GLB1L3: variants seen among roughly 807,000 people sequenced by gnomAD.
GLB1L3 encodes beta-galactosidase-1-like protein 3.
In GLB1L3, 89 loss-of-function variants were observed where a neutral mutation model predicts 89.5. The ratio of observed to expected loss-of-function variants is 0.99; its 90% CI spans 0.84 to 1.19. The LOEUF is 1.19. Among genes scored for constraint, GLB1L3 ranks in the 50% most tolerant of loss-of-function variants. The pLI is 0.00. For synonymous variants in GLB1L3, 314 were observed against 312.3 expected, an observed-to-expected ratio of 1.01 and a Z score of -0.06; for missense variants, 812 against 813.3, an observed-to-expected ratio of 1.00 and a Z score of 0.02.
At chr11:134,296,832 A>AT (rs1436348595) in intron 9 of GLB1L3, among the ~76,000 whole-genome samples, 1 of 54,792 alleles carries the variant, frequency 1.8e-5, no homozygotes, top group Non-Finnish European at 4.3e-5. Context: ...CCTAAAACTT[A>AT]AAGTATAATA....
chr11:134,288,940 T>C, intron 7 of GLB1L3, 50 bp downstream of exon 7: 1 of 1,250,256 alleles, frequency 8.0e-7, no homozygotes, highest in Non-Finnish European at 1.1e-6. Context: ...CTTCCTCCTC[T>C]GTGCGTTTCT....
intron 16 of GLB1L3, 47 bp from the exon 17 acceptor site, chr11:134,313,894 C>T: frequency 8.4e-7 from 1 of 1,189,786 alleles, no homozygotes; most frequent in Non-Finnish European, 1.2e-6. Context: ...AGAGAATATC[C>T]AGTCCTGGCT....
chr11:134,319,173 C>T lies in GLB1L3; in HGVS notation c.*231C>T, dbSNP rs939243611. The stretch of plus-strand genomic sequence containing the variant: ...GTTTCACCAAGTTAGCCAGGATGGT[C>T]CCAATCTCCTGACCTTGTGATCTGC... On this transcript the variant is annotated 3_prime_UTR_variant, in exon 20 of 20. Coordinates refer to ENST00000431683, the MANE Select transcript of GLB1L3 (RefSeq NM_001080407.3). The T allele has an allele frequency of 6.3e-6, 3 of 473,300 alleles. No individual in the cohort carries two copies. The highest frequency in any genetic ancestry group is 2.0e-5 in the African/African-American group (1 of 50,692). The allele number at this position is 473,300 out of a possible 1,614,324, so 29.3% of individuals were successfully genotyped here.
chr11:134,318,057 T>C (rs1301840960), intron 18 of GLB1L3, among the ~76,000 whole-genome samples: 2 of 152,208 alleles, frequency 1.3e-5, no homozygotes, highest in Non-Finnish European at 2.9e-5. Flanking sequence ...GATGCTTCTC[T>C]TATATGTAGC....
At chr11:134,300,608 A>G (rs1346058020) in intron 9 of GLB1L3, among the ~76,000 whole-genome samples, 5 of 152,074 alleles carry the variant, frequency 3.3e-5, no homozygotes, top group African/African-American at 9.7e-5. Flanking sequence ...TGCTGGGATT[A>G]CAGGCGTGAG....
chr11:134,324,268 T>C (rs1943197735), downstream of GLB1L3, among the ~76,000 whole-genome samples: 2 of 152,208 alleles, frequency 1.3e-5, no homozygotes, highest in Admixed American at 6.5e-5. Context: ...ATACAAGACA[T>C]GGATATTTTA....
chr11:134,312,579 C>A, intron 14 of GLB1L3, 90 bp downstream of exon 14: 2 of 1,481,898 alleles, frequency 1.3e-6, no homozygotes, highest in Non-Finnish European at 1.8e-6. Flanking sequence ...ATGCACGTTG[C>A]TGTTTGGTGA....
chr11:134,292,307 A>G, intron 8 of GLB1L3, 94 bp downstream of exon 8: 1 of 812,756 alleles, frequency 1.2e-6, no homozygotes, highest in Non-Finnish European at 2.0e-6. Context: ...GTGCATCTCG[A>G]TACCTCCCTT....
chr11:134,277,181 C>T, intron 1 of GLB1L3, 145 bp from the exon 2 acceptor site: 1 of 1,003,266 alleles, frequency 1.0e-6, no homozygotes, highest in Non-Finnish European at 1.5e-6. Context: ...TGTCCTGGCC[C>T]TGGGCCCGCC....
rs1247800226 is a variant in GLB1L3, at chr11:134,292,082, TCCCATGGGAA to T, written c.730-49_730-40del. 2.2e-6 allele frequency: 3 copies of T among 1,353,454 alleles called. No individual in the cohort carries two copies. The Admixed American group carries it at 5.2e-5, about 23-fold the overall frequency. The allele number at this position is 1,353,454 out of a possible 1,614,324, so 83.8% of individuals were successfully genotyped here. A position where few individuals can be genotyped will look rare whatever the true frequency, so the allele number is the denominator to read the frequency against. ...TGGGGAGCTGTATGTATTTCTTTTTTCCCATGGGAATGAGGGAATTGGGTTCATTTTGGTT... is the reference window on the plus strand; with the variant it reads ...TGGGGAGCTGTATGTATTTCTTTTTTTGAGGGAATTGGGTTCATTTTGGTT... On this transcript the variant is annotated intron_variant, in intron 7 of 19. Coordinates refer to ENST00000431683, the MANE Select transcript of GLB1L3 (RefSeq NM_001080407.3).
At chr11:134,316,666 C>T (rs866459372) in intron 18 of GLB1L3, 1 of 152,162 alleles carries the variant, frequency 6.6e-6, no homozygotes, top group East Asian at 1.9e-4. Flanking sequence ...AGCTGGCAGG[C>T]AAATTAAGCC....
chr11:134,289,607 A>C (rs1272233), intron 7 of GLB1L3, among the ~76,000 whole-genome samples: 2 of 151,994 alleles, frequency 1.3e-5, no homozygotes, highest in Non-Finnish European at 2.9e-5. Flanking sequence ...TCCTGTCTCT[A>C]TGACCCACGA....
chr11:134,286,947 T>G (rs1278892437), intron 6 of GLB1L3, among the ~76,000 whole-genome samples: 2 of 150,296 alleles, frequency 1.3e-5, no homozygotes, highest in Non-Finnish European at 3.0e-5. Flanking sequence ...GATCACGAGG[T>G]CAGGAGATCA....
intron 6 of GLB1L3, among the ~76,000 whole-genome samples, chr11:134,284,317 G>C (rs950774375): frequency 6.6e-6 from 1 of 151,720 alleles, no homozygotes; most frequent in Non-Finnish European, 1.5e-5. Context: ...TTATACACAC[G>C]TGTCTATGCC....
chr11:134,318,936 G>A lies in GLB1L3; in HGVS notation c.1956G>A (p.Thr652=), dbSNP rs777788188. The change falls in exon 20 of 20, where the codon ACG becomes ACA. Residue 652 remains threonine (T), a synonymous_variant. Coordinates refer to ENST00000431683, the MANE Select transcript of GLB1L3 (RefSeq NM_001080407.3). ...GSDIKSTDKP[T]L is the part of the protein sequence containing the mutation. Reference sequence around the variant, plus strand: ...ATATCAAATCTACAGACAAGCCCACGCTGTAAAACTGTGTCTGAACATTTT... The same window carrying A: ...ATATCAAATCTACAGACAAGCCCACACTGTAAAACTGTGTCTGAACATTTT... The A allele has an allele frequency of 6.2e-5, 99 of 1,608,212 alleles. No homozygotes were observed. In the Admixed American group the frequency reaches 1.3e-3, roughly 21 times the overall value.
chr11:134,315,974 T>A (rs1942961711), intron 18 of GLB1L3, among the ~76,000 whole-genome samples: 1 of 152,192 alleles, frequency 6.6e-6, no homozygotes, highest in African/African-American at 2.4e-5. Flanking sequence ...TTAAAAAGAT[T>A]TTTTGAGGTA....
chr11:134,293,453 G>A (rs1177690796), intron 9 of GLB1L3, among the ~76,000 whole-genome samples: 1 of 152,098 alleles, frequency 6.6e-6, no homozygotes, highest in Non-Finnish European at 1.5e-5. Context: ...GAGGGGTGGT[G>A]GGAATCAGAG....
At position 134,276,706 on chromosome 11, in the gene GLB1L3, C is replaced by A. The variant is rs1228055452; in HGVS notation, c.-35C>A. ...CGGGGCCAGCGGAGAGGGGCGGAAG[C>A]CGCAAGGGACCCTCGGCGCCTCGGC... is the stretch of plus-strand genomic sequence containing the variant. On this transcript the variant is annotated 5_prime_UTR_variant, in exon 1 of 20. Transcript: ENST00000431683. The A allele has an allele frequency of 1.8e-5, 26 of 1,432,436 alleles. No individual in the cohort carries two copies. Among genetic ancestry groups the A allele is most frequent in the Non-Finnish European group, 2.3e-5 (25 of 1,093,696 alleles). 88.7% of individuals were successfully genotyped at this position (1,432,436 alleles called of 1,614,324 possible).
In GLB1L3 at chr11:134,288,667, C is replaced by A. The variant is rs1053475730; in HGVS notation, c.637-131C>A. 10 of 598,582 alleles carry A rather than the reference C, an allele frequency of 1.7e-5. No homozygotes were observed. In the South Asian group the frequency reaches 2.2e-4, roughly 13 times the overall value. The allele number at this position is 598,582 out of a possible 1,614,324, so 37.1% of individuals were successfully genotyped here. A position where few individuals can be genotyped will look rare whatever the true frequency, so the allele number is the denominator to read the frequency against. On this transcript the variant is annotated intron_variant, in intron 6 of 19. Coordinates refer to ENST00000431683, the MANE Select transcript of GLB1L3 (RefSeq NM_001080407.3). The stretch of plus-strand genomic sequence containing the variant: ...CTCTAACTCCAGCGCTGGAGCAGAG[C>A]GTGCAGACCACAGGGGCCGTGGATC...
Sources: gnomAD v4.1 joint callset for allele counts (sites outside exome capture counted in the v4.1 genomes callset) on GRCh38, gnomAD v4.1.1 for gene constraint, MANE v1.5 for transcripts, NCBI Gene and HGNC (gene_info 2026-07-23, HGNC 2026-07-21) for gene names.